GAREM2: variants seen among roughly 807,000 people sequenced by gnomAD.
The protein encoded by GAREM2 is GRB2 associated regulator of MAPK1 subtype 2, also known as GRB2-associated and regulator of MAPK protein 2.
A neutral mutation model predicts 55.6 loss-of-function variants in GAREM2; 30 were observed. That is an observed-to-expected ratio of 0.54 (90% CI 0.40 to 0.73). GAREM2 has a LOEUF of 0.73. Among genes scored for constraint, GAREM2 ranks in the 30% least tolerant of loss-of-function variants. The pLI, the probability that GAREM2 is intolerant of heterozygous loss-of-function variation, is 0.00. For missense variants in GAREM2, 1,075 were observed against 1,257.7 expected (o/e 0.85, Z 2.20); for synonymous variants, 550 against 569.1 (o/e 0.97, Z 0.48).
At chr2:26,196,418 A>G in the GAREM2 span, among the ~76,000 whole-genome samples, 19 of 152,372 alleles carry the variant, frequency 1.2e-4, no homozygotes, top group African/African-American at 4.6e-4. Context: ...TCTATATAAT[A>G]AAATGCACAG....
At chr2:26,200,577 T>C in the GAREM2 span, among the ~76,000 whole-genome samples, 2 of 152,240 alleles carry the variant, frequency 1.3e-5, no homozygotes, top group African/African-American at 4.8e-5. Context: ...CATCTGGCTA[T>C]ACTCTGTGAG....
Position 26,187,417 on chromosome 2 carries a change from C to T in GAREM2, c.1785C>T (p.Ala595=), listed in dbSNP as rs759258238. The T allele has an allele frequency of 5.0e-5, 78 of 1,547,840 alleles. No individual in the cohort carries two copies. Among genetic ancestry groups the T allele is most frequent in the East Asian group, 2.0e-4 (8 of 40,858 alleles). ...RALTEPLSGR[A]ASLLGADTPV... ...TCACAGAGCCTCTGAGCGGTCGAGC[C>T]GCCTCCCTTCTGGGGGCTGACACCC... The change falls in exon 6 of 6, where the codon GCC becomes GCT. Residue 595 remains alanine, a synonymous_variant. Transcript: ENST00000401533.
Position 26,184,685 on chromosome 2 carries a change from C to T in GAREM2, c.837C>T (p.Asp279=). The change falls in exon 4 of 6, where the codon GAC becomes GAT. Residue 279 remains aspartate, a synonymous_variant. Coordinates refer to ENST00000401533, the MANE Select transcript of GAREM2 (RefSeq NM_001168241.2). ...VPSRPPRNPY[D]LHPVREGHCY... ...GCCGGCCGCCGCGCAACCCCTACGA[C>T]CTGCACCCGGTGCGGGAGGGTCATT... is the stretch of plus-strand genomic sequence containing the variant. The T allele has an allele frequency of 1.3e-6, 2 of 1,542,060 alleles. No individual in the cohort carries two copies. Among genetic ancestry groups the T allele is most frequent in the South Asian group, 1.2e-5 (1 of 83,406 alleles).
intron 1 of GAREM2, among the ~76,000 whole-genome samples, chr2:26,176,074 C>T (rs13432932): frequency 0.54 from 82,857 of 152,084 alleles, 23,636 homozygotes; most frequent in Non-Finnish European, 0.62. Context: ...TGCTCCAGCT[C>T]AGAGCCAGGG....
chr2:26,190,877 C>G, downstream of GAREM2: 1 of 335,854 alleles, frequency 3.0e-6, no homozygotes. Context: ...GATGCTGACA[C>G]AGAGTTTGGT....
At chr2:26,201,278 T>TGA in the GAREM2 span, 1 of 1,612,234 alleles carries the variant, frequency 6.2e-7, no homozygotes, top group Non-Finnish European at 8.5e-7. Flanking sequence ...TGGAATCCCT[T>TGA]TCAAATGATG....
Position 26,189,271 on chromosome 2 carries a change from A to C in GAREM2, c.*1014A>C, listed in dbSNP as rs1376366183. The C allele has an allele frequency of 1.3e-5, 2 of 152,174 alleles. No homozygotes were observed. The highest frequency in any genetic ancestry group is 4.8e-5 in the African/African-American group (2 of 41,414). 9.4% of individuals were successfully genotyped at this position (152,174 alleles called of 1,614,324 possible). On this transcript the variant is annotated 3_prime_UTR_variant, in exon 6 of 6. Transcript: ENST00000401533. ...TCCTGCATTTGTTCACGTGCCTCAC[A>C]GCAGGCCTTTGTGCCCTTGAATCTC...
rs564966385 is a variant in GAREM2 at position 26,189,506 on chromosome 2, C to T, written c.*1249C>T. On this transcript the variant is annotated 3_prime_UTR_variant, in exon 6 of 6. Coordinates refer to ENST00000401533, the MANE Select transcript of GAREM2 (RefSeq NM_001168241.2). ...AAAGTAGCTAAGCCATGCTGGTGCCCATACTCCAAGCAGGCTGCCTCAGCT... is the reference window on the plus strand; with the variant it reads ...AAAGTAGCTAAGCCATGCTGGTGCCTATACTCCAAGCAGGCTGCCTCAGCT... 6.6e-6 allele frequency: 1 copy of T among 152,328 alleles called. No individual in the cohort carries two copies. Among genetic ancestry groups the T allele is most frequent in the East Asian group, 1.9e-4 (1 of 5,184 alleles). The allele number at this position is 152,328 out of a possible 1,614,324, so 9.4% of individuals were successfully genotyped here. A position where few individuals can be genotyped will look rare whatever the true frequency, so the allele number is the denominator to read the frequency against.
At chr2:26,197,816 C>G in the GAREM2 span, 3 of 1,019,062 alleles carry the variant, frequency 2.9e-6, no homozygotes, top group Non-Finnish European at 4.7e-6. Context: ...TCAGGTAGGC[C>G]TGGGAGATGA....
At chr2:26,183,769 T>C (rs1366040395) in intron 3 of GAREM2, among the ~76,000 whole-genome samples, 1 of 152,214 alleles carries the variant, frequency 6.6e-6, no homozygotes, top group Non-Finnish European at 1.5e-5. Flanking sequence ...GTCCCTGCTA[T>C]GTACAGATAG....
chr2:26,194,508 T>C (rs1241595783), downstream of GAREM2: 1 of 997,980 alleles, frequency 1.0e-6, no homozygotes, highest in Non-Finnish European at 1.6e-6. Flanking sequence ...CTTGACATCA[T>C]GAGTTTTAGA....
chr2:26,187,312 CA>C lies in GAREM2; in HGVS notation c.1682del (p.Lys561ArgfsTer31). On this transcript the variant is annotated frameshift_variant, in exon 6 of 6. Coordinates refer to ENST00000401533, the MANE Select transcript of GAREM2 (RefSeq NM_001168241.2). LOFTEE classifies it high-confidence loss of function. The part of the protein sequence containing the change: ...YCYPCTWGDC[K>X]VGESSSRPAP... ...GCTACCCATGCACCTGGGGAGACTG[CA>C]AGGTGGGCGAGTCCTCTAGCCGCCC... 1 of 1,524,770 alleles carries C rather than the reference CA, an allele frequency of 6.6e-7. No homozygotes were observed. Among genetic ancestry groups the C allele is most frequent in the Non-Finnish European group, 8.8e-7 (1 of 1,133,828 alleles). The allele number at this position is 1,524,770 out of a possible 1,614,324, so 94.5% of individuals were successfully genotyped here.
chr2:26,176,441 C>T lies in GAREM2; in HGVS notation c.210C>T (p.His70=). 1.9e-6 allele frequency: 3 copies of T among 1,550,356 alleles called. No homozygotes were observed. Among genetic ancestry groups the T allele is most frequent in the East Asian group, 2.4e-5 (1 of 40,838 alleles). ...CAGCTCATACCCTGGAGGAGGGCCACTATGTCATCGGGCCCAAGATCGACA... is the reference window on the plus strand; with the variant it reads ...CAGCTCATACCCTGGAGGAGGGCCATTATGTCATCGGGCCCAAGATCGACA... ...TVTAHTLEEG[H]YVIGPKIDIP... Residue 70 remains histidine (H), a synonymous_variant, in exon 2 of 6, where the codon CAC becomes CAT. Transcript: ENST00000401533.
chr2:26,193,418 C>T (rs752820853), downstream of GAREM2, among the ~76,000 whole-genome samples: 18 of 151,546 alleles, frequency 1.2e-4, 1 homozygote, highest in South Asian at 3.3e-3. Flanking sequence ...TGGTTGCTAC[C>T]GCACCTGACT....
rs1472274347 is a variant in GAREM2 at position 26,188,259 on chromosome 2, C to G, written c.*2C>G. 6.9e-7 allele frequency: 1 copy of G among 1,458,640 alleles called. No individual in the cohort carries two copies. The highest frequency in any genetic ancestry group is 1.4e-5 in the African/African-American group (1 of 70,290). 90.4% of individuals were successfully genotyped at this position (1,458,640 alleles called of 1,614,324 possible). On this transcript the variant is annotated 3_prime_UTR_variant, in exon 6 of 6. Coordinates refer to ENST00000401533, the MANE Select transcript of GAREM2 (RefSeq NM_001168241.2). ...AAAGGCTGGAGGCCCAAGATCTGAA[C>G]TGCCCAGCTGGAGCTGCACAGCTGG...
downstream of GAREM2, chr2:26,194,481 G>C (rs1669604961): frequency 1.2e-6 from 1 of 855,386 alleles, no homozygotes; most frequent in Admixed American, 1.8e-5. Context: ...TGTATCAGAA[G>C]GAAGCTTGGT....
intron 5 of GAREM2, 47 bp downstream of exon 5, chr2:26,186,405 G>T (rs762156948): frequency 6.6e-7 from 1 of 1,522,188 alleles, no homozygotes; most frequent in South Asian, 1.2e-5. Context: ...GTAGATCAAG[G>T]CAGGGAAGGG....
downstream of GAREM2, chr2:26,193,831 G>A: frequency 7.3e-7 from 1 of 1,371,622 alleles, no homozygotes; most frequent in South Asian, 1.2e-5. Context: ...CCCCCAAAGG[G>A]CTCCCTGTAC....
rs1428704370 is a variant in GAREM2, at chr2:26,184,596, G to C, written c.748G>C (p.Gly250Arg). ...CCCGCTGGAGCTGCAGATGCAAGAG[G>C]GCGAGCACACGGTGCGCGCCATCAT... is the stretch of plus-strand genomic sequence containing the variant. Reference protein sequence around the residue: ...RSPLELQMQEGEHTVRAIIER... With the variant: ...RSPLELQMQEREHTVRAIIER... The change falls in exon 4 of 6, where the codon GGC (glycine) becomes CGC (arginine). Residue 250 changes from glycine to arginine, a missense_variant. Gly to Arg is a moderately radical substitution (Grantham distance 125). Coordinates refer to ENST00000401533, the MANE Select transcript of GAREM2 (RefSeq NM_001168241.2). 3.9e-6 allele frequency: 6 copies of C among 1,548,472 alleles called. No homozygotes were observed. The highest frequency in any genetic ancestry group is 5.2e-6 in the Non-Finnish European group (6 of 1,146,238).
Sources: allele counts gnomAD v4.1 joint callset (sites outside exome capture counted in the v4.1 genomes callset), GRCh38; gene constraint gnomAD v4.1.1; transcripts MANE v1.5; gene names NCBI Gene and HGNC (gene_info 2026-07-23, HGNC 2026-07-21).